MAP4K4: variants seen among roughly 807,000 people sequenced by gnomAD.
MAP4K4 encodes the protein HPK/GCK-like kinase HGK.
In MAP4K4, 38 loss-of-function variants were observed where a neutral mutation model predicts 189.6. That is an observed-to-expected ratio of 0.20 (90% confidence interval 0.15 to 0.26). The LOEUF (loss-of-function observed/expected upper bound fraction) is 0.26. Ranked by LOEUF, MAP4K4 falls within the 10% of genes least tolerant of loss-of-function variation. The pLI is 1.00. For missense variants in MAP4K4, 1,054 were observed against 1,726.9 expected (o/e 0.61, Z 6.91); for synonymous variants, 610 against 624.3 (o/e 0.98, Z 0.34).
chr2:101,753,143 T>C (rs2070106909), intron 2 of MAP4K4, among the ~76,000 whole-genome samples: 1 of 152,236 alleles, frequency 6.6e-6, no homozygotes. Flanking sequence ...ATTTCCATTT[T>C]TTAGATGATG....
In MAP4K4 at chr2:101,887,631, A is replaced by G. The variant is rs2098506751; in HGVS notation, c.3772-147A>G. 1.7e-5 allele frequency: 10 copies of G among 596,694 alleles called. No homozygotes were observed. The East Asian group carries it at 1.7e-4, about 10-fold the overall frequency. 37.0% of individuals were successfully genotyped at this position (596,694 alleles called of 1,614,324 possible). On this transcript the variant is annotated intron_variant, in intron 30 of 32. Transcript: ENST00000324219. ...AAGCAGAGTTGGGGATATATATTGC[A>G]TGACTATTCTAAAATGTTAATCTAA...
chr2:101,778,790 G>A (rs1014529060), intron 2 of MAP4K4, among the ~76,000 whole-genome samples: 28 of 152,078 alleles, frequency 1.8e-4, no homozygotes, highest in African/African-American at 5.8e-4. Flanking sequence ...GTGCCTTAGT[G>A]GGGTGGAAGC....
chr2:101,725,069 CTG>C (rs1192965425), intron 2 of MAP4K4, among the ~76,000 whole-genome samples: 1 of 152,170 alleles, frequency 6.6e-6, no homozygotes, highest in East Asian at 1.9e-4. Context: ...GAAATGCACT[CTG>C]TGATGTGATG....
intron 2 of MAP4K4, among the ~76,000 whole-genome samples, chr2:101,784,288 A>ATGTG (rs111233758): frequency 2.3e-4 from 30 of 133,290 alleles, no homozygotes; most frequent in South Asian, 9.6e-4. Context: ...GTGTGTGTGT[A>ATGTG]TGTGTGTGTG....
chr2:101,866,541 G>C (rs772242495), exon 19 of MAP4K4: 1 of 1,613,550 alleles, frequency 6.2e-7, no homozygotes, highest in East Asian at 2.2e-5. Flanking sequence ...TCTCACCCTG[G>C]GTCTCAGAGT....
At chr2:101,714,073 C>T (rs567050756) in intron 2 of MAP4K4, among the ~76,000 whole-genome samples, 1 of 152,100 alleles carries the variant, frequency 6.6e-6, no homozygotes, top group Non-Finnish European at 1.5e-5. Context: ...AAATCCAATC[C>T]AGAGAGCATT....
chr2:101,769,092 T>G (rs2080060155), intron 2 of MAP4K4, among the ~76,000 whole-genome samples: 1 of 149,428 alleles, frequency 6.7e-6, no homozygotes, highest in African/African-American at 2.6e-5. Flanking sequence ...AGATGTTTGT[T>G]ATATGTTTGT....
At chr2:101,893,662 G>A (rs1158327085) in exon 33 of MAP4K4, 2 of 157,038 alleles carry the variant, frequency 1.3e-5, no homozygotes, top group Non-Finnish European at 2.8e-5. Flanking sequence ...TGGCATAATG[G>A]TCTTAACATT....
At chr2:101,751,148 A>G (rs2068737550) in intron 2 of MAP4K4, among the ~76,000 whole-genome samples, 1 of 152,188 alleles carries the variant, frequency 6.6e-6, no homozygotes, top group African/African-American at 2.4e-5. Flanking sequence ...TCAGCTATGC[A>G]TTGGCATTTT....
chr2:101,871,778 C>T (rs1283451480), intron 24 of MAP4K4, 93 bp downstream of exon 24: 1 of 1,168,228 alleles, frequency 8.6e-7, no homozygotes, highest in East Asian at 2.6e-5. Flanking sequence ...AACACCCTCA[C>T]CCCTTCCCTT....
chr2:101,874,033 C>A, intron 25 of MAP4K4, 49 bp from the exon 26 acceptor site: 1 of 1,438,688 alleles, frequency 7.0e-7, no homozygotes, highest in Non-Finnish European at 9.7e-7. Flanking sequence ...GGGAGGCAGG[C>A]ATAGTGTGTG....
At chr2:101,704,565 A>ATTTTTTTTT (rs1559014076) in intron 2 of MAP4K4, among the ~76,000 whole-genome samples, 37 of 40,350 alleles carry the variant, frequency 9.2e-4, no homozygotes, top group African/African-American at 4.2e-3. Flanking sequence ...ATATATATAT[A>ATTTTTTTTT]TATTTTTTTT....
At chr2:101,756,179 C>T (rs1443507337) in intron 2 of MAP4K4, among the ~76,000 whole-genome samples, 5 of 151,940 alleles carry the variant, frequency 3.3e-5, no homozygotes, top group East Asian at 1.9e-4. Context: ...CTCCTGACCT[C>T]GTGATCCGCC....
At chr2:101,843,241 T>A (rs929662056) in intron 11 of MAP4K4, among the ~76,000 whole-genome samples, 9 of 152,164 alleles carry the variant, frequency 5.9e-5, no homozygotes, top group Non-Finnish European at 1.2e-4. Context: ...GCCTGGCAGT[T>A]GTCCATGCTG....
chr2:101,893,884 T>G (rs866137449), exon 33 of MAP4K4: 2 of 152,442 alleles, frequency 1.3e-5, no homozygotes, highest in Non-Finnish European at 2.9e-5. Flanking sequence ...TGAACTGAAT[T>G]GAATCCATTG....
At chr2:101,729,840 A>G (rs1170105194) in intron 2 of MAP4K4, among the ~76,000 whole-genome samples, 2 of 152,158 alleles carry the variant, frequency 1.3e-5, no homozygotes, top group Non-Finnish European at 1.5e-5. Flanking sequence ...TCCATCTGAC[A>G]TACTCTGTTG....
chr2:101,727,711 G>A (rs562638387), intron 2 of MAP4K4, among the ~76,000 whole-genome samples: 1 of 152,354 alleles, frequency 6.6e-6, no homozygotes, highest in African/African-American at 2.4e-5. Context: ...GCTCATGCCT[G>A]TAATCCCAGC....
At chr2:101,853,992 G>T (rs73943799) in intron 12 of MAP4K4, among the ~76,000 whole-genome samples, 2,143 of 152,242 alleles carry the variant, frequency 0.014, 52 homozygotes, top group African/African-American at 0.049. Flanking sequence ...AGTTCCCAGA[G>T]ATTTTTTTGT....
At chr2:101,738,952 T>A (rs1435738870) in intron 2 of MAP4K4, among the ~76,000 whole-genome samples, 5 of 152,156 alleles carry the variant, frequency 3.3e-5, no homozygotes, top group African/African-American at 1.2e-4. Context: ...ATTCATAAAG[T>A]GACACATATA....
Sources: allele counts gnomAD v4.1 joint callset (sites outside exome capture counted in the v4.1 genomes callset), GRCh38; gene constraint gnomAD v4.1.1; transcripts MANE v1.5; gene names NCBI Gene and HGNC (gene_info 2026-07-23, HGNC 2026-07-21).